Variants in ALDH1A2 observed in about 807,000 individuals in gnomAD.
ALDH1A2 encodes aldehyde dehydrogenase 1 family member A2, also known as retinal dehydrogenase 2.
A neutral mutation model predicts 60.3 loss-of-function variants in ALDH1A2; 27 were observed. The ratio of observed to expected loss-of-function variants is 0.45; its 90% confidence interval spans 0.33 to 0.62. The LOEUF (loss-of-function observed/expected upper bound fraction) is 0.62. Ranked by LOEUF, ALDH1A2 falls within the 20% of genes least tolerant of loss-of-function variation. The pLI, the probability that ALDH1A2 is intolerant of heterozygous loss-of-function variation, is 0.02. For synonymous variants in ALDH1A2, 289 were observed against 232.4 expected, an observed-to-expected ratio of 1.24 and a Z score of -2.21; for missense variants, 581 against 643.8, an observed-to-expected ratio of 0.90 and a Z score of 1.06.
intron 7 of ALDH1A2, among the ~76,000 whole-genome samples, chr15:57,984,122 C>A (rs1433264784): frequency 6.6e-6 from 1 of 152,114 alleles, no homozygotes; most frequent in African/African-American, 2.4e-5. Context: ...GGCAGTGTAC[C>A]ACTGTAATAT....
Position 57,963,942 on chromosome 15 carries a change from C to T in ALDH1A2, c.1029G>A (p.Arg343=), listed in dbSNP as rs758287557. The T allele has an allele frequency of 6.2e-7, 1 of 1,614,104 alleles. No homozygotes were observed. The highest frequency in any genetic ancestry group is 8.5e-7 in the Non-Finnish European group (1 of 1,180,008). The change falls in exon 9 of 13, where the codon CGG becomes CGA. Residue 343 remains arginine, a synonymous_variant. Transcript: ENST00000249750. ...GACTCCCCACTACGCGCCTCTTGGCCCGCTCCACGCTTCTTCTCACAAACT... is the reference window on the plus strand; with the variant it reads ...GACTCCCCACTACGCGCCTCTTGGCTCGCTCCACGCTTCTTCTCACAAACT... ...YEEFVRRSVE[R]AKRRVVGSPF...
chr15:57,987,057 G>GAACTT (rs1349891841), intron 7 of ALDH1A2, among the ~76,000 whole-genome samples: 1 of 152,046 alleles, frequency 6.6e-6, no homozygotes, highest in Non-Finnish European at 1.5e-5. Context: ...GGAATTTCTA[G>GAACTT]AACTTAACAA....
At chr15:57,989,746 A>C (rs553190074) in intron 7 of ALDH1A2, among the ~76,000 whole-genome samples, 1 of 152,302 alleles carries the variant, frequency 6.6e-6, no homozygotes, top group South Asian at 2.1e-4. Flanking sequence ...CTGTTTAATA[A>C]ATTGTTTTGA....
intron 1 of ALDH1A2, among the ~76,000 whole-genome samples, chr15:58,047,498 GAAC>G (rs1210274742): frequency 1.3e-5 from 2 of 151,770 alleles, no homozygotes; most frequent in South Asian, 2.1e-4. Flanking sequence ...AGAGATTTAA[GAAC>G]AACCAAAAAA....
intron 1 of ALDH1A2, among the ~76,000 whole-genome samples, chr15:58,037,507 A>AT (rs1393983772): frequency 4.0e-5 from 6 of 151,672 alleles, no homozygotes; most frequent in South Asian, 2.1e-4. Flanking sequence ...AACTAGCTTT[A>AT]TTTTTTTTCA....
intron 7 of ALDH1A2, among the ~76,000 whole-genome samples, chr15:57,979,026 GA>G (rs1247531282): frequency 4.5e-4 from 68 of 152,178 alleles, no homozygotes; most frequent in Non-Finnish European, 8.1e-4. Flanking sequence ...CAACTACTAA[GA>G]AAAAAACCCT....
At chr15:58,031,902 T>G (rs1345594701) in intron 1 of ALDH1A2, among the ~76,000 whole-genome samples, 2 of 152,182 alleles carry the variant, frequency 1.3e-5, no homozygotes, top group Non-Finnish European at 2.9e-5. Flanking sequence ...TTTACACTGT[T>G]GGTGGGACTG....
At chr15:58,044,562 G>T (rs1443084423) in intron 1 of ALDH1A2, among the ~76,000 whole-genome samples, 1 of 152,004 alleles carries the variant, frequency 6.6e-6, no homozygotes, top group Non-Finnish European at 1.5e-5. Context: ...GGAAACTGTT[G>T]ATTTATATTC....
At chr15:58,007,382 G>A (rs1273438135) in intron 4 of ALDH1A2, among the ~76,000 whole-genome samples, 3 of 151,892 alleles carry the variant, frequency 2.0e-5, no homozygotes, top group Non-Finnish European at 2.9e-5. Context: ...AATCTGCACT[G>A]GGGTAAAGAC....
At chr15:58,064,147 T>C (rs1438332850) in intron 1 of ALDH1A2, among the ~76,000 whole-genome samples, 1 of 152,064 alleles carries the variant, frequency 6.6e-6, no homozygotes, top group Admixed American at 6.5e-5. Context: ...CTGAAGAGGT[T>C]AGAGACCCTC....
At position 57,961,225 on chromosome 15, in the gene ALDH1A2, A is replaced by G; in HGVS notation, c.1321T>C (p.Ser441Pro). The G allele has an allele frequency of 6.2e-7, 1 of 1,614,158 alleles. No individual in the cohort carries two copies. Among genetic ancestry groups the G allele is most frequent in the Non-Finnish European group, 8.5e-7 (1 of 1,180,010 alleles). ...MDEVIERANN[S>P]DFGLVAAVFT... ...ACAGCTGCTACGAGTCCAAAGTCTGAGTTATTGGCTCTTTCGATAACTTCA... is the reference window on the plus strand; with the variant it reads ...ACAGCTGCTACGAGTCCAAAGTCTGGGTTATTGGCTCTTTCGATAACTTCA... The change falls in exon 11 of 13, where the codon TCA becomes CCA. Residue 441 changes from serine to proline, a missense_variant. Transcript: ENST00000249750.
intron 1 of ALDH1A2, among the ~76,000 whole-genome samples, chr15:58,033,758 T>C (rs1896305970): frequency 6.6e-6 from 1 of 150,960 alleles, no homozygotes; most frequent in African/African-American, 2.4e-5. Context: ...CTTTCTCCAC[T>C]ATGTGCTTTT....
intron 10 of ALDH1A2, among the ~76,000 whole-genome samples, chr15:57,961,574 C>T (rs1046374043): frequency 2.0e-5 from 3 of 152,170 alleles, no homozygotes; most frequent in Non-Finnish European, 4.4e-5. Flanking sequence ...CAAGTGGCAT[C>T]CTCCGTGATC....
rs142097386 is a variant in ALDH1A2, at chr15:58,065,585, C to A, written c.66G>T (p.Ser22=). ...GCGTGGGCGACGGCAGGAGGTGCAG[C>A]GACGCCATGAGGGCGGCGGGGTCGG... ...VKADPAALMA[S]LHLLPSPTPN... is the part of the protein sequence containing the mutation. The change falls in exon 1 of 13, where the codon TCG becomes TCT. Residue 22 remains serine (S), a synonymous_variant. Transcript: ENST00000249750. The A allele has an allele frequency of 1.9e-6, 3 of 1,612,950 alleles. No individual in the cohort carries two copies. The African/African-American group carries it at 4.0e-5, about 22-fold the overall frequency.
At chr15:57,976,068 T>C (rs1224962995) in intron 7 of ALDH1A2, among the ~76,000 whole-genome samples, 1 of 152,210 alleles carries the variant, frequency 6.6e-6, no homozygotes, top group African/African-American at 2.4e-5. Flanking sequence ...ATGCCATATA[T>C]CTCTTTGTTG....
intron 1 of ALDH1A2, among the ~76,000 whole-genome samples, chr15:58,055,576 A>G (rs1318605503): frequency 6.6e-6 from 1 of 152,042 alleles, no homozygotes; most frequent in African/African-American, 2.4e-5. Flanking sequence ...TTATCAAAAA[A>G]TAAGTGTGTA....
intron 4 of ALDH1A2, among the ~76,000 whole-genome samples, chr15:58,004,693 T>TTGTGTGTGTGTGTGTG (rs138706461): frequency 3.6e-4 from 49 of 137,128 alleles, no homozygotes; most frequent in African/African-American, 1.3e-3. Flanking sequence ...ATCCCATGAT[T>TTGTGTGTGTGTGTGTG]TGTGTGTGTG....
chr15:58,052,990 T>A (rs1250335123), intron 1 of ALDH1A2, among the ~76,000 whole-genome samples: 1 of 152,182 alleles, frequency 6.6e-6, no homozygotes, highest in Non-Finnish European at 1.5e-5. Context: ...GCAAATGAAA[T>A]CAGACAATTT....
rs143853817 is a variant in ALDH1A2, at chr15:57,999,036, A to G, written c.494-3897T>C. Among the ~76,000 whole-genome samples, 781 of 152,202 alleles carry G rather than the reference A, an allele frequency of 5.1e-3. 10 individuals carry two copies. Among genetic ancestry groups the G allele is most frequent in the African/African-American group, 0.018 (750 of 41,560 alleles). ...AAACTGGACCCCTTCTTTACATCTT[A>G]TACAAAAATTACCTCAAGATGAATT... is the stretch of plus-strand genomic sequence containing the variant. On this transcript the variant is annotated intron_variant, in intron 4 of 12. Coordinates refer to ENST00000249750, the MANE Select transcript of ALDH1A2 (RefSeq NM_003888.4).
Sources: allele counts gnomAD v4.1 joint callset (sites outside exome capture counted in the v4.1 genomes callset), GRCh38; gene constraint gnomAD v4.1.1; transcripts MANE v1.5; gene names NCBI Gene and HGNC (gene_info 2026-07-23, HGNC 2026-07-21).